The following ANXA6 variants were observed in gnomAD, a reference collection of about 807,000 sequenced individuals.
ANXA6 encodes annexin A6.
In ANXA6, 71 loss-of-function variants were observed where a neutral mutation model predicts 95.4. That is an observed-to-expected ratio of 0.74 (90% CI 0.61 to 0.91). The LOEUF is 0.91. Ranked by LOEUF, ANXA6 falls within the 40% of genes least tolerant of loss-of-function variation. The pLI, the probability that ANXA6 is intolerant of heterozygous loss-of-function variation, is 0.00. For missense variants in ANXA6, 830 were observed against 876.4 expected (o/e 0.95, Z 0.67); for synonymous variants, 289 against 315.9 (o/e 0.91, Z 0.90).
chr5:151,136,166 A>G, intron 7 of ANXA6, 90 bp downstream of exon 7: 4 of 1,305,610 alleles, frequency 3.1e-6, no homozygotes, highest in Non-Finnish European at 3.2e-6. Flanking sequence ...GGGGAAGCTG[A>G]CCAGACCCTG....
intron 2 of ANXA6, 76 bp from the exon 3 acceptor site, chr5:151,140,319 A>C: frequency 8.1e-7 from 1 of 1,240,566 alleles, no homozygotes; most frequent in Non-Finnish European, 1.2e-6. Context: ...CTCAGGTCAG[A>C]TGCCTACCCT....
intron 24 of ANXA6, 115 bp from the exon 25 acceptor site, chr5:151,103,807 G>A (rs767342538): frequency 1.3e-4 from 161 of 1,276,508 alleles, no homozygotes; most frequent in East Asian, 2.2e-4. Flanking sequence ...AAAACAGGGC[G>A]GATGTTCCAC....
At chr5:151,147,696 T>C (rs1373241041) in intron 2 of ANXA6, among the ~76,000 whole-genome samples, 188 bp downstream of exon 2, 1 of 152,194 alleles carries the variant, frequency 6.6e-6, no homozygotes, top group Non-Finnish European at 1.5e-5. Flanking sequence ...TTGTGGGTTA[T>C]ATTACATTAT....
intron 17 of ANXA6, among the ~76,000 whole-genome samples, chr5:151,120,167 G>A (rs1765122836): frequency 6.6e-6 from 1 of 152,102 alleles, no homozygotes; most frequent in Admixed American, 6.5e-5. Flanking sequence ...GCTTACATTT[G>A]TTTACTCTTG....
At position 151,117,847 on chromosome 5, in the gene ANXA6, A is replaced by G. The variant is rs376070933; in HGVS notation, c.1439-10T>C. ...AGGGACTTGTGATAGTCTGAGGCAGAGAAAGGGGGTGTGGGTAGCTGCTGG... is the reference window on the plus strand; with the variant it reads ...AGGGACTTGTGATAGTCTGAGGCAGGGAAAGGGGGTGTGGGTAGCTGCTGG... On this transcript the variant is annotated splice_polypyrimidine_tract_variant and intron_variant, in intron 18 of 25. Transcript: ENST00000354546. 2.1e-5 allele frequency: 34 copies of G among 1,611,332 alleles called. No homozygotes were observed. Among genetic ancestry groups the G allele is most frequent in the African/African-American group, 4.0e-5 (3 of 74,836 alleles).
intron 20 of ANXA6, among the ~76,000 whole-genome samples, chr5:151,112,400 G>C (rs79653454): frequency 5.3e-5 from 8 of 152,056 alleles, no homozygotes; most frequent in Non-Finnish European, 1.0e-4. Context: ...GAAAGCTTTC[G>C]CATTTTTTTT....
In ANXA6 at chr5:151,145,338, G is replaced by T. The variant is rs534912370; in HGVS notation, c.18+2546C>A. Among the ~76,000 whole-genome samples the T allele has an allele frequency of 3.9e-4, 60 of 152,352 alleles. 1 individual carries two copies. In the Middle Eastern group the frequency reaches 0.01, roughly 26 times the overall value. ...CTAGGTCTCACCTCCACAGCTCCTAGAAGTCCCAGGCACAAGCACCTGCCT... is the reference window on the plus strand; with the variant it reads ...CTAGGTCTCACCTCCACAGCTCCTATAAGTCCCAGGCACAAGCACCTGCCT... On this transcript the variant is annotated intron_variant, in intron 2 of 25. Transcript: ENST00000354546.
intron 13 of ANXA6, 60 bp from the exon 14 acceptor site, chr5:151,126,540 A>AC: frequency 9.5e-7 from 1 of 1,057,830 alleles, no homozygotes. Context: ...CAACACTCAC[A>AC]CCAACACACA....
At position 151,137,340 on chromosome 5, in the gene ANXA6, C is replaced by T. The variant is rs376613666; in HGVS notation, c.319-19G>A. The T allele has an allele frequency of 1.8e-5, 29 of 1,603,476 alleles. No homozygotes were observed. The African/African-American group carries it at 2.4e-4, about 13-fold the overall frequency. Reference sequence around the variant, plus strand: ...CAATGCCCTGGGGGTAGAAAAAGAGCGCATGAATTAAGGGCAGGGATGGGA... The same window carrying T: ...CAATGCCCTGGGGGTAGAAAAAGAGTGCATGAATTAAGGGCAGGGATGGGA... On this transcript the variant is annotated intron_variant, in intron 5 of 25. Transcript: ENST00000354546.
Position 151,117,776 on chromosome 5 carries a change from G to C in ANXA6, c.1500C>G (p.Ile500Met). Residue 500 changes from isoleucine (I) to methionine (M), a missense_variant, in exon 19 of 26, where the codon ATC (isoleucine) becomes ATG (methionine). Physicochemically the swap from Ile to Met is conservative, Grantham distance 10. Coordinates refer to ENST00000354546, the MANE Select transcript of ANXA6 (RefSeq NM_001155.5). ...SSDTSGHFRR[I>M]LISLATGHRE... ...CACTCACCGTGGCCAGAGAAATGAG[G>C]ATCCTCCTGAAGTGGCCAGATGTGT... 6.2e-7 allele frequency: 1 copy of C among 1,613,740 alleles called. No individual in the cohort carries two copies. Among genetic ancestry groups the C allele is most frequent in the Non-Finnish European group, 8.5e-7 (1 of 1,179,762 alleles).
chr5:151,122,101 C>T, intron 17 of ANXA6, 46 bp downstream of exon 17: 1 of 1,271,540 alleles, frequency 7.9e-7, no homozygotes, highest in Non-Finnish European at 1.1e-6. Flanking sequence ...CACCTGTATC[C>T]CTATTGGCAC....
chr5:151,128,697 G>A (rs113799378), intron 12 of ANXA6, among the ~76,000 whole-genome samples: 3,809 of 152,296 alleles, frequency 0.025, 166 homozygotes, highest in African/African-American at 0.087. Context: ...GCACATATCC[G>A]TATAGATGCA....
intron 18 of ANXA6, among the ~76,000 whole-genome samples, chr5:151,118,921 C>T (rs1017157971): frequency 6.6e-6 from 1 of 152,140 alleles, no homozygotes; most frequent in African/African-American, 2.4e-5. Flanking sequence ...AAATATGGGG[C>T]CACTCGCTTA....
chr5:151,149,452 G>A (rs1766054400), intron 1 of ANXA6, among the ~76,000 whole-genome samples: 1 of 152,168 alleles, frequency 6.6e-6, no homozygotes, highest in African/African-American at 2.4e-5. Flanking sequence ...GAGAAACAAA[G>A]GACCACTACT....
At chr5:151,124,144 G>A (rs1472267314) in intron 15 of ANXA6, 142 bp downstream of exon 15, 4 of 722,914 alleles carry the variant, frequency 5.5e-6, no homozygotes, top group African/African-American at 5.3e-5. Flanking sequence ...TGGGAGCTAG[G>A]AGGGTGGAAA....
At chr5:151,141,420 C>T (rs1765832827) in intron 2 of ANXA6, 5 of 760,780 alleles carry the variant, frequency 6.6e-6, no homozygotes, top group Non-Finnish European at 6.4e-6. Flanking sequence ...GTAGTAAATA[C>T]ATTAAGACAA....
chr5:151,105,246 T>C lies in ANXA6; in HGVS notation c.1838A>G (p.Lys613Arg), dbSNP rs1237086237. ...AGGAACGCCAGCATGTTTTCTTACC[T>C]TCATGGATTTGTAAAGTTTGTCGGC... ...FFADKLYKSM[K>R]GAGTDEKTLT... The change falls in exon 24 of 26, where the codon AAG becomes AGG. Residue 613 changes from lysine (K) to arginine (R), a missense_variant and splice_region_variant. Transcript: ENST00000354546. The C allele has an allele frequency of 6.2e-7, 1 of 1,613,822 alleles. No homozygotes were observed. The highest frequency in any genetic ancestry group is 2.2e-5 in the East Asian group (1 of 44,888).
At chr5:151,141,818 A>G (rs1160862058) in intron 2 of ANXA6, 2 of 689,440 alleles carry the variant, frequency 2.9e-6, no homozygotes, top group African/African-American at 1.9e-5. Context: ...CATGCCGAAT[A>G]CCCAGAGCAG....
intron 4 of ANXA6, 126 bp downstream of exon 4, chr5:151,139,227 G>T: frequency 1.5e-6 from 1 of 666,920 alleles, no homozygotes; most frequent in Non-Finnish European, 2.6e-6. Context: ...AAAAAGAGCA[G>T]GGTAAGGTGT....
Sources: allele counts gnomAD v4.1 joint callset (sites outside exome capture counted in the v4.1 genomes callset), GRCh38; gene constraint gnomAD v4.1.1; transcripts MANE v1.5; gene names NCBI Gene and HGNC (gene_info 2026-07-23, HGNC 2026-07-21).